The following AKAP9 variants were observed in gnomAD, a reference collection of about 807,000 sequenced individuals.
AKAP9 encodes the protein A-kinase anchor protein 9.
In AKAP9, 311 loss-of-function variants were observed where a neutral mutation model predicts 488.5. The observed-to-expected ratio is 0.64, with a 90% confidence interval of 0.58 to 0.70. AKAP9 has a LOEUF of 0.70. Ranked by LOEUF, AKAP9 falls within the 30% of genes least tolerant of loss-of-function variation. The pLI is 0.00. For synonymous variants in AKAP9, 1,462 were observed against 1,483.5 expected (o/e 0.99, Z 0.33); for missense variants, 4,215 against 4,374.5 (o/e 0.96, Z 1.03).
chr7:91,956,087 A>G (rs1206641083), intron 1 of AKAP9, among the ~76,000 whole-genome samples: 2 of 152,188 alleles, frequency 1.3e-5, no homozygotes, highest in African/African-American at 2.4e-5. Flanking sequence ...TAATTCAGTA[A>G]TAAGCAAATC....
intron 18 of AKAP9, 86 bp downstream of exon 18, chr7:92,040,984 G>A: frequency 9.1e-7 from 1 of 1,095,718 alleles, no homozygotes; most frequent in Non-Finnish European, 1.3e-6. Context: ...TAAAACAACA[G>A]TATTTTTTAT....
chr7:92,016,894 AT>A lies in AKAP9; in HGVS notation c.3752-122del, dbSNP rs144386449. 2.2e-4 allele frequency: 148 copies of A among 687,452 alleles called. No individual in the cohort carries two copies. The African/African-American group carries it at 2.4e-3, about 11-fold the overall frequency. The allele number at this position is 687,452 out of a possible 1,614,324, so 42.6% of individuals were successfully genotyped here. On this transcript the variant is annotated intron_variant, in intron 11 of 49. Transcript: ENST00000356239. ...TGAGATTTCAATTTTCAGTTACTAA[AT>A]ATCTGAGGTTTACTTCTAGCAGGCA...
chr7:91,947,587 A>G (rs1791625746), intron 1 of AKAP9, among the ~76,000 whole-genome samples: 1 of 152,198 alleles, frequency 6.6e-6, no homozygotes, highest in East Asian at 1.9e-4. Flanking sequence ...TGATCCGTCC[A>G]CCTTGGCCTC....
At chr7:91,995,544 C>G (rs1212597579) in intron 6 of AKAP9, 59 bp from the exon 7 acceptor site, 1 of 1,509,590 alleles carries the variant, frequency 6.6e-7, no homozygotes, top group Non-Finnish European at 9.2e-7. Context: ...CCAAAGGTGT[C>G]TGTTCCCTAA....
chr7:91,959,962 C>T (rs1192312445), intron 1 of AKAP9, among the ~76,000 whole-genome samples: 2 of 152,154 alleles, frequency 1.3e-5, no homozygotes, highest in African/African-American at 4.8e-5. Flanking sequence ...TACAAATGGT[C>T]TTTGGGACAA....
At chr7:91,983,713 A>C (rs1003249398) in intron 3 of AKAP9, among the ~76,000 whole-genome samples, 1 of 152,222 alleles carries the variant, frequency 6.6e-6, no homozygotes, top group Non-Finnish European at 1.5e-5. Context: ...GGTTTCACCA[A>C]CTGTCTTCCA....
At chr7:92,056,144 T>G (rs1007309555) in intron 22 of AKAP9, among the ~76,000 whole-genome samples, 2 of 152,050 alleles carry the variant, frequency 1.3e-5, no homozygotes, top group Non-Finnish European at 2.9e-5. Flanking sequence ...TGAATCATCT[T>G]TATCTGTTAC....
chr7:91,943,257 G>T lies in AKAP9; in HGVS notation c.48+2110G>T, dbSNP rs1791026484. ...ATAACTTTTAAAGACAACACGAAGG[G>T]AATCATTTTCTAAGTTATATAAATA... On this transcript the variant is annotated intron_variant, in intron 1 of 49. Coordinates refer to ENST00000356239, the MANE Select transcript of AKAP9 (RefSeq NM_005751.5). Among the ~76,000 whole-genome samples, 3 of 151,992 alleles carry T rather than the reference G, an allele frequency of 2.0e-5. No individual in the cohort carries two copies. In the South Asian group the frequency reaches 6.2e-4, roughly 32 times the overall value.
intron 18 of AKAP9, 96 bp from the exon 19 acceptor site, chr7:92,041,950 C>T (rs1806180278): frequency 2.3e-6 from 3 of 1,308,498 alleles, no homozygotes; most frequent in African/African-American, 2.9e-5. Context: ...GAACCAGGGC[C>T]TGTTGGTCCC....
intron 20 of AKAP9, chr7:92,042,982 T>C (rs1806367924): frequency 2.7e-6 from 1 of 367,324 alleles, no homozygotes; most frequent in Admixed American, 4.2e-5. Flanking sequence ...AAAAATCTTT[T>C]CTATATAAAT....
At chr7:91,942,058 T>C (rs1390427410) in intron 1 of AKAP9, among the ~76,000 whole-genome samples, 1 of 152,226 alleles carries the variant, frequency 6.6e-6, no homozygotes. Flanking sequence ...TTTGAGCATA[T>C]ATTTTGTCTG....
chr7:92,083,972 C>A (rs1316810574), intron 33 of AKAP9, among the ~76,000 whole-genome samples: 1 of 152,142 alleles, frequency 6.6e-6, no homozygotes, highest in Non-Finnish European at 1.5e-5. Flanking sequence ...AGCTGTCCCT[C>A]CCCTAGCACC....
chr7:92,095,832 A>C (rs1188257883), intron 40 of AKAP9, among the ~76,000 whole-genome samples: 5 of 152,214 alleles, frequency 3.3e-5, no homozygotes, highest in Non-Finnish European at 7.3e-5. Context: ...CTCCAGGCAA[A>C]GAGAACTCTC....
chr7:92,051,104 G>A (rs1453034222), intron 21 of AKAP9, among the ~76,000 whole-genome samples: 1 of 152,006 alleles, frequency 6.6e-6, no homozygotes, highest in Admixed American at 6.6e-5. Flanking sequence ...AAACCCCTAA[G>A]GTTCCTATAA....
chr7:92,039,057 C>T (rs1725799480), intron 17 of AKAP9, among the ~76,000 whole-genome samples: 1 of 152,082 alleles, frequency 6.6e-6, no homozygotes, highest in African/African-American at 2.4e-5. Flanking sequence ...ATGCGCGTGC[C>T]ACCACATCCA....
intron 22 of AKAP9, 54 bp downstream of exon 22, chr7:92,053,012 C>G: frequency 7.0e-7 from 1 of 1,428,040 alleles, no homozygotes; most frequent in Admixed American, 1.7e-5. Flanking sequence ...ATATACTATC[C>G]CACTCTCTCG....
At chr7:92,037,388 G>A (rs1232599015) in intron 16 of AKAP9, among the ~76,000 whole-genome samples, 2 of 152,236 alleles carry the variant, frequency 1.3e-5, no homozygotes, top group East Asian at 1.9e-4. Flanking sequence ...TAAAACTAAA[G>A]TTCAGTTATA....
rs538377766 is a variant in AKAP9 at position 92,043,283 on chromosome 7, T to A, written c.5162+512T>A. 1.3e-5 allele frequency: 13 copies of A among 986,644 alleles called. No homozygotes were observed. In the South Asian group the frequency reaches 6.1e-4, roughly 46 times the overall value. 61.1% of individuals were successfully genotyped at this position (986,644 alleles called of 1,614,324 possible). A position where few individuals can be genotyped will look rare whatever the true frequency, so the allele number is the denominator to read the frequency against. ...TGTCCTCCTAACCTCCTTCCTCAGC[T>A]TGCATGGAGGAATTTGGCCCCTAAG... On this transcript the variant is annotated intron_variant, in intron 20 of 49. Transcript: ENST00000356239.
intron 1 of AKAP9, among the ~76,000 whole-genome samples, chr7:91,965,509 C>T (rs916806762): frequency 6.6e-6 from 1 of 152,174 alleles, no homozygotes; most frequent in Non-Finnish European, 1.5e-5. Context: ...ATGCAGCTAT[C>T]TCCTTTGTAT....
Sources: gnomAD v4.1 joint callset for allele counts (sites outside exome capture counted in the v4.1 genomes callset) on GRCh38, gnomAD v4.1.1 for gene constraint, MANE v1.5 for transcripts, NCBI Gene and HGNC (gene_info 2026-07-23, HGNC 2026-07-21) for gene names.